PDE6G: variants seen among roughly 807,000 people sequenced by gnomAD.
PDE6G encodes the protein rod cGMP 3',5'-cyclic phosphodiesterase subunit gamma.
In PDE6G, 10 loss-of-function variants were observed where a neutral mutation model predicts 10.9. The observed-to-expected ratio is 0.91, with a 90% confidence interval of 0.56 to 1.55. The LOEUF (loss-of-function observed/expected upper bound fraction) is 1.55. Ranked by LOEUF, PDE6G falls within the 40% of genes most tolerant of loss-of-function variation. PDE6G has a pLI of 0.00. For missense variants in PDE6G, 102 were observed against 110.1 expected, an observed-to-expected ratio of 0.93 and a Z score of 0.33; for synonymous variants, 41 against 42.8, an observed-to-expected ratio of 0.96 and a Z score of 0.16.
At chr17:81,661,297 G>A (rs2036508053), upstream of PDE6G, among the ~76,000 whole-genome samples, 4 of 152,282 alleles carry the variant, frequency 2.6e-5, no homozygotes, top group South Asian at 8.3e-4. Flanking sequence ...AAGATGGGAA[G>A]ATCACTTCAG....
At position 81,653,504 on chromosome 17, in the gene PDE6G, C is replaced by T. The variant is rs2144402516; in HGVS notation, c.-59-140G>A. The T allele has an allele frequency of 1.6e-6, 1 of 623,880 alleles. No individual in the cohort carries two copies. The highest frequency in any genetic ancestry group is 2.8e-6 in the Non-Finnish European group (1 of 357,074). The allele number at this position is 623,880 out of a possible 1,614,324, so 38.6% of individuals were successfully genotyped here. A position where few individuals can be genotyped will look rare whatever the true frequency, so the allele number is the denominator to read the frequency against. ...CAGACAGCAGCCCCTGCAATCCGCC[C>T]TGGGGTAACCAGCCTGCCAGCTTTG... On this transcript the variant is annotated intron_variant, in intron 1 of 3. Transcript: ENST00000331056. The surrounding 1 kb of genome is among the most constrained non-coding windows in gnomAD (Gnocchi z 5.2).
In PDE6G at chr17:81,653,154, G is replaced by A; in HGVS notation, c.146+6C>T. ...TTCAGAGGCCCCATCCCCCAGCTCT[G>A]CTTACCCTTGAACGCCTTTCTTTGG... On this transcript the variant is annotated splice_donor_region_variant and intron_variant, in intron 2 of 3. Transcript: ENST00000331056. This position sits in a 1 kb window ranked among gnomAD's most constrained non-coding sequence, Gnocchi z 5.2. 1 of 1,613,814 alleles carries A rather than the reference G, an allele frequency of 6.2e-7. No individual in the cohort carries two copies. The highest frequency in any genetic ancestry group is 8.5e-7 in the Non-Finnish European group (1 of 1,179,896).
At chr17:81,656,002 T>C (rs1422731218) in intron 1 of PDE6G, among the ~76,000 whole-genome samples, 1 of 152,040 alleles carries the variant, frequency 6.6e-6, no homozygotes, top group East Asian at 1.9e-4. Flanking sequence ...AAACCAGCAC[T>C]CAGGAGCCCG....
chr17:81,653,394 C>A lies in PDE6G; in HGVS notation c.-59-30G>T. 1 of 1,492,234 alleles carries A rather than the reference C, an allele frequency of 6.7e-7. No homozygotes were observed. Among genetic ancestry groups the A allele is most frequent in the South Asian group, 1.2e-5 (1 of 86,190 alleles). The allele number at this position is 1,492,234 out of a possible 1,614,324, so 92.4% of individuals were successfully genotyped here. On this transcript the variant is annotated intron_variant, in intron 1 of 3. Coordinates refer to ENST00000331056, the MANE Select transcript of PDE6G (RefSeq NM_002602.4). The surrounding 1 kb of genome is among the most constrained non-coding windows in gnomAD (Gnocchi z 5.2). ...GGGCAGACCAGGCCCGGGTCCCAGT[C>A]AGCCCTCCTGCTTCCAACCCTTGTG...
chr17:81,652,021 T>C (rs2036365009), intron 2 of PDE6G, among the ~76,000 whole-genome samples: 1 of 152,172 alleles, frequency 6.6e-6, no homozygotes, highest in South Asian at 2.1e-4. Context: ...GAAGGTGGCT[T>C]GTCTGTGAGT....
upstream of PDE6G, among the ~76,000 whole-genome samples, chr17:81,657,760 A>C (rs2036465898): frequency 6.6e-6 from 1 of 152,034 alleles, no homozygotes; most frequent in African/African-American, 2.4e-5. Flanking sequence ...ATGTACCTGT[A>C]ATCCCAGCTA....
chr17:81,660,999 G>A (rs761834232), upstream of PDE6G, among the ~76,000 whole-genome samples: 66 of 152,242 alleles, frequency 4.3e-4, no homozygotes, highest in Non-Finnish European at 7.2e-4. Context: ...ACTTACTTCC[G>A]TCTTGACTTC....
Position 81,651,256 on chromosome 17 carries a change from C to T in PDE6G, c.188-106G>A. On this transcript the variant is annotated intron_variant, in intron 3 of 3. Transcript: ENST00000331056. This position sits in a 1 kb window ranked among gnomAD's most constrained non-coding sequence, Gnocchi z 4.8. ...AGCCCAGGTGTAGCCCTACAGTGTG[C>T]TGAGCGGGGACGTGCGGACGCTGGA... is the stretch of plus-strand genomic sequence containing the variant. 3 of 842,770 alleles carry T rather than the reference C, an allele frequency of 3.6e-6. No homozygotes were observed. Among genetic ancestry groups the T allele is most frequent in the African/African-American group, 1.7e-5 (1 of 60,134 alleles). The allele number at this position is 842,770 out of a possible 1,614,324, so 52.2% of individuals were successfully genotyped here.
chr17:81,656,556 A>G (rs1489546610), upstream of PDE6G: 4 of 761,748 alleles, frequency 5.3e-6, no homozygotes, highest in Non-Finnish European at 9.6e-6. Flanking sequence ...GCAGGGTGCC[A>G]GCCCCGGCCT....
Position 81,650,588 on chromosome 17 carries a change from C to T in PDE6G, c.*486G>A, listed in dbSNP as rs975763354. ...CGTGCACGCCCTGGAGTCCTGCTAC[C>T]CAGCATGTCCAAACTAAGGGCACCC... On this transcript the variant is annotated 3_prime_UTR_variant, in exon 4 of 4. Coordinates refer to ENST00000331056, the MANE Select transcript of PDE6G (RefSeq NM_002602.4). The T allele has an allele frequency of 1.5e-5, 7 of 454,208 alleles. No individual in the cohort carries two copies. Among genetic ancestry groups the T allele is most frequent in the Non-Finnish European group, 2.6e-5 (6 of 226,950 alleles). The allele number at this position is 454,208 out of a possible 1,614,324, so 28.1% of individuals were successfully genotyped here.
In PDE6G at chr17:81,651,144, G is replaced by A; in HGVS notation, c.194C>T (p.Thr65Ile). 1 of 1,612,732 alleles carries A rather than the reference G, an allele frequency of 6.2e-7. No individual in the cohort carries two copies. Among genetic ancestry groups the A allele is most frequent in the African/African-American group, 1.3e-5 (1 of 75,002 alleles). ...PGMEGLGTDI[T>I]VICPWEAFNH... ...GAAGGCCTCCCAAGGGCAGATGACT[G>A]TGATGTCTGTGGGAGAAACGGGCCA... The change falls in exon 4 of 4, where the codon ACA becomes ATA. Residue 65 changes from threonine (T) to isoleucine (I), a missense_variant. Thr to Ile is a moderately conservative substitution (Grantham distance 89). Coordinates refer to ENST00000331056, the MANE Select transcript of PDE6G (RefSeq NM_002602.4). This position sits in a 1 kb window ranked among gnomAD's most constrained non-coding sequence, Gnocchi z 4.8.
intron 1 of PDE6G, among the ~76,000 whole-genome samples, chr17:81,655,149 C>T (rs996585815): frequency 2.0e-5 from 3 of 152,178 alleles, no homozygotes; most frequent in Non-Finnish European, 4.4e-5. Flanking sequence ...CACCCACTCA[C>T]GGAGGCATCC....
upstream of PDE6G, among the ~76,000 whole-genome samples, chr17:81,657,384 C>T (rs1355833334): frequency 6.6e-6 from 1 of 152,188 alleles, no homozygotes; most frequent in African/African-American, 2.4e-5. Context: ...ATGCCCACAA[C>T]CCAGAGCTAA....
Position 81,651,098 on chromosome 17 carries a change from C to T in PDE6G, c.240G>A (p.Glu80=), listed in dbSNP as rs146792814. The T allele has an allele frequency of 4.3e-6, 7 of 1,613,706 alleles. No individual in the cohort carries two copies. The highest frequency in any genetic ancestry group is 5.9e-6 in the Non-Finnish European group (7 of 1,179,740). The change falls in exon 4 of 4, where the codon GAG becomes GAA. Residue 80 remains glutamate (E), a synonymous_variant. Coordinates refer to ENST00000331056, the MANE Select transcript of PDE6G (RefSeq NM_002602.4). This position sits in a 1 kb window ranked among gnomAD's most constrained non-coding sequence, Gnocchi z 4.8. ...WEAFNHLELH[E]LAQYGII Reference sequence around the variant, plus strand: ...GCTAGATGATGCCATATTGGGCCAGCTCGTGCAGCTCCAGGTGGTTGAAGG... The same window carrying T: ...GCTAGATGATGCCATATTGGGCCAGTTCGTGCAGCTCCAGGTGGTTGAAGG...
At position 81,651,645 on chromosome 17, in the gene PDE6G, C is replaced by T. The variant is rs747473734; in HGVS notation, c.187G>A (p.Asp63Asn). ...GGGTTGGTACTGGCAGCCGTCATAC[C>T]TGTTCCCAGGCCTTCCATTCCAGGG... ...DIPGMEGLGT[D>N]ITVICPWEAF... The change falls in exon 3 of 4, where the codon GAC (aspartate) becomes AAC (asparagine). Residue 63 changes from aspartate (D) to asparagine (N), a missense_variant and splice_region_variant. Transcript: ENST00000331056. The surrounding 1 kb of genome is among the most constrained non-coding windows in gnomAD (Gnocchi z 4.8). 2 of 1,613,882 alleles carry T rather than the reference C, an allele frequency of 1.2e-6. No individual in the cohort carries two copies. Among genetic ancestry groups the T allele is most frequent in the African/African-American group, 2.7e-5 (2 of 74,902 alleles).
chr17:81,653,227 G>A lies in PDE6G; in HGVS notation c.79C>T (p.Pro27Ser), dbSNP rs1424263794. The change falls in exon 2 of 4, where the codon CCC (proline) becomes TCC (serine). Residue 27 changes from proline (P) to serine (S), a missense_variant. By Grantham distance (74) the Pro-to-Ser change is moderately conservative (BLOSUM62 -1). Coordinates refer to ENST00000331056, the MANE Select transcript of PDE6G (RefSeq NM_002602.4). This position sits in a 1 kb window ranked among gnomAD's most constrained non-coding sequence, Gnocchi z 5.2. ...AGGPVTPRKG[P>S]PKFKQRQTRQ... is the part of the protein sequence containing the mutation. ...GTCTGTCGCTGCTTAAATTTAGGGGGCCCTTTCCTGGGGGTGACAGGTCCC... is the reference window on the plus strand; with the variant it reads ...GTCTGTCGCTGCTTAAATTTAGGGGACCCTTTCCTGGGGGTGACAGGTCCC... 1 of 1,614,082 alleles carries A rather than the reference G, an allele frequency of 6.2e-7. No homozygotes were observed. Among genetic ancestry groups the A allele is most frequent in the Admixed American group, 1.7e-5 (1 of 60,000 alleles).
chr17:81,658,618 A>T (rs2036479100), upstream of PDE6G, among the ~76,000 whole-genome samples: 1 of 151,928 alleles, frequency 6.6e-6, no homozygotes, highest in Non-Finnish European at 1.5e-5. Flanking sequence ...AGGCAGGTGG[A>T]TTACTTGAGA....
intron 1 of PDE6G, among the ~76,000 whole-genome samples, chr17:81,655,344 G>A (rs62080193): frequency 0.16 from 25,121 of 152,258 alleles, 2,540 homozygotes; most frequent in Middle Eastern, 0.26. Context: ...GGGGCTTGGG[G>A]ACGGAGGGTG....
chr17:81,656,633 AG>A (rs749756502), upstream of PDE6G: 5 of 710,240 alleles, frequency 7.0e-6, no homozygotes, highest in South Asian at 1.5e-5. Flanking sequence ...TTGGGCCCCG[AG>A]GGGGGGCACA....
Sources: allele counts gnomAD v4.1 joint callset (sites outside exome capture counted in the v4.1 genomes callset), GRCh38; gene constraint gnomAD v4.1.1; non-coding constraint Gnocchi (gnomAD v3.1); transcripts MANE v1.5; gene names NCBI Gene and HGNC (gene_info 2026-07-23, HGNC 2026-07-21).